The following GDNF variants were observed in gnomAD, a reference collection of about 807,000 sequenced individuals.
GDNF encodes the protein glial cell line-derived neurotrophic factor.
A neutral mutation model predicts 13.7 loss-of-function variants in GDNF; 5 were observed. That is an observed-to-expected ratio of 0.36 (90% confidence interval 0.19 to 0.77). The LOEUF (loss-of-function observed/expected upper bound fraction) is 0.77. Ranked by LOEUF, GDNF falls within the 30% of genes least tolerant of loss-of-function variation. The probability of loss-of-function intolerance (pLI) is 0.51; values close to 1 mark genes in which losing one functional copy is unlikely to be tolerated. For synonymous variants in GDNF, 122 were observed against 112.5 expected, an observed-to-expected ratio of 1.08 and a Z score of -0.53; for missense variants, 246 against 274.3, an observed-to-expected ratio of 0.90 and a Z score of 0.73.
At chr5:37,819,739 C>T (rs1750063426) in intron 2 of GDNF, among the ~76,000 whole-genome samples, 1 of 152,150 alleles carries the variant, frequency 6.6e-6, no homozygotes. Context: ...AGGAGTGAGC[C>T]ACTGTGCCTG....
chr5:37,819,013 C>A (rs571204619), intron 2 of GDNF, among the ~76,000 whole-genome samples: 5 of 152,226 alleles, frequency 3.3e-5, no homozygotes, highest in African/African-American at 7.2e-5. Flanking sequence ...TCTGTCTTCT[C>A]TAAAAGAATG....
rs901557917 is a variant in GDNF at position 37,823,412 on chromosome 5, C to T, written c.152-7277G>A. 11 of 152,292 alleles carry T rather than the reference C, an allele frequency of 7.2e-5. 1 individual carries two copies. The South Asian group carries it at 8.3e-4, about 11-fold the overall frequency. The allele number at this position is 152,292 out of a possible 1,614,324, so 9.4% of individuals were successfully genotyped here. Reference sequence around the variant, plus strand: ...ATACTTTCTGTTGAAAAATTCAGTACGAACTCAGGTACGCTAAGTAGATCC... The same window carrying T: ...ATACTTTCTGTTGAAAAATTCAGTATGAACTCAGGTACGCTAAGTAGATCC... On this transcript the variant is annotated intron_variant, in intron 2 of 2. Coordinates refer to ENST00000326524, the MANE Select transcript of GDNF (RefSeq NM_000514.4).
intron 1 of GDNF, among the ~76,000 whole-genome samples, chr5:37,836,250 A>C (rs1049565727): frequency 1.7e-4 from 25 of 151,464 alleles, no homozygotes; most frequent in Non-Finnish European, 2.9e-4. Context: ...TAATGCAAAA[A>C]CCTCAGTGCC....
Position 37,834,716 on chromosome 5 carries a change from C to A in GDNF, c.81G>T (p.Arg27Ser), listed in dbSNP as rs751955252. 1 of 1,611,516 alleles carries A rather than the reference C, an allele frequency of 6.2e-7. No homozygotes were observed. The highest frequency in any genetic ancestry group is 1.1e-5 in the South Asian group (1 of 90,990). The change falls in exon 2 of 3, where the codon AGG becomes AGT. Residue 27 changes from arginine to serine, a missense_variant. Transcript: ENST00000326524. Reference protein sequence around the residue: ...ASAFPLPAGKRPPEAPAEDRS... With the variant: ...ASAFPLPAGKSPPEAPAEDRS... ...GGTCTTCGGCGGGCGCCTCGGGAGG[C>A]CTCTTACCGGCGGGCAGCGGGAAGG...
chr5:37,838,842 G>A lies in GDNF; in HGVS notation c.-27+665C>T, dbSNP rs777191223. Among the ~76,000 whole-genome samples the A allele has an allele frequency of 2.7e-4, 41 of 152,278 alleles. 1 individual carries two copies. Among genetic ancestry groups the A allele is most frequent in the Non-Finnish European group, 4.7e-4 (32 of 68,032 alleles). Reference sequence around the variant, plus strand: ...TGGCCTAGTGGAGTCTCAAGAATACGTTCGAGACAGAGATTTGAATCCAGG... The same window carrying A: ...TGGCCTAGTGGAGTCTCAAGAATACATTCGAGACAGAGATTTGAATCCAGG... On this transcript the variant is annotated intron_variant, in intron 1 of 2. Transcript: ENST00000326524. The surrounding 1 kb of genome is among the most constrained non-coding windows in gnomAD (Gnocchi z 4.1).
chr5:37,824,197 A>ATTTT, intron 2 of GDNF: 1 of 200,468 alleles, frequency 5.0e-6, no homozygotes, highest in Non-Finnish European at 8.9e-6. Context: ...ATCTGTAAAA[A>ATTTT]TAGAGATGGG....
chr5:37,835,422 C>G (rs1184339683), intron 1 of GDNF: 1 of 1,421,776 alleles, frequency 7.0e-7, no homozygotes, highest in Non-Finnish European at 9.2e-7. Flanking sequence ...CCTCATTCTT[C>G]CCACCTAAAT....
intron 2 of GDNF, among the ~76,000 whole-genome samples, chr5:37,831,376 T>C (rs916414031): frequency 2.6e-5 from 4 of 152,248 alleles, no homozygotes; most frequent in African/African-American, 9.6e-5. Flanking sequence ...CAGGCATACA[T>C]GTAACTATTT....
chr5:37,826,836 T>A (rs1159671273), intron 2 of GDNF, among the ~76,000 whole-genome samples: 2 of 152,208 alleles, frequency 1.3e-5, no homozygotes, highest in African/African-American at 4.8e-5. Flanking sequence ...TTATCCTTAC[T>A]GAGAGACGGT....
chr5:37,826,046 C>T (rs1750303514), intron 2 of GDNF, among the ~76,000 whole-genome samples: 1 of 152,078 alleles, frequency 6.6e-6, no homozygotes, highest in African/African-American at 2.4e-5. Context: ...AGAAGAGTGA[C>T]ATCTGAGTGT....
rs71604877 is a variant in GDNF at position 37,813,560 on chromosome 5, C to CTTTTTTTTTTTT, written c.*2079_*2090dup. The CTTTTTTTTTTTT allele has an allele frequency of 1.1e-5, 1 of 87,026 alleles. No individual in the cohort carries two copies. Among genetic ancestry groups the CTTTTTTTTTTTT allele is most frequent in the African/African-American group, 4.9e-5 (1 of 20,454 alleles). 5.4% of individuals were successfully genotyped at this position (87,026 alleles called of 1,614,324 possible). A position where few individuals can be genotyped will look rare whatever the true frequency, so the allele number is the denominator to read the frequency against. ...CCTATGCTTCCTCCTGCTCCAACCT[C>CTTTTTTTTTTTT]TTTTTTTTTTTTTTTTTTTTTTTGA... is the stretch of plus-strand genomic sequence containing the variant. On this transcript the variant is annotated 3_prime_UTR_variant, in exon 3 of 3. Coordinates refer to ENST00000326524, the MANE Select transcript of GDNF (RefSeq NM_000514.4).
At chr5:37,832,112 CTG>C (rs563774373) in intron 2 of GDNF, among the ~76,000 whole-genome samples, 6 of 152,226 alleles carry the variant, frequency 3.9e-5, no homozygotes, top group Non-Finnish European at 7.3e-5. Context: ...AGTGTGCAAA[CTG>C]TGTATATTCT....
At position 37,838,433 on chromosome 5, in the gene GDNF, G is replaced by A. The variant is rs974077812; in HGVS notation, c.-27+1074C>T. ...AACATCTCTTCCTTGAAATACCTAAGCATATATTCCAAACACTGAGCAAGA... is the reference window on the plus strand; with the variant it reads ...AACATCTCTTCCTTGAAATACCTAAACATATATTCCAAACACTGAGCAAGA... On this transcript the variant is annotated intron_variant, in intron 1 of 2. Transcript: ENST00000326524. This position sits in a 1 kb window ranked among gnomAD's most constrained non-coding sequence, Gnocchi z 4.1. Among the ~76,000 whole-genome samples the A allele has an allele frequency of 3.9e-5, 6 of 152,246 alleles. No homozygotes were observed. Among genetic ancestry groups the A allele is most frequent in the Non-Finnish European group, 8.8e-5 (6 of 68,040 alleles).
chr5:37,819,854 C>G (rs1219694370), intron 2 of GDNF, among the ~76,000 whole-genome samples: 1 of 151,970 alleles, frequency 6.6e-6, no homozygotes, highest in Non-Finnish European at 1.5e-5. Flanking sequence ...CATTAAATCA[C>G]TTTGGTTGAC....
chr5:37,836,727 A>C (rs1750721147), intron 1 of GDNF, among the ~76,000 whole-genome samples: 1 of 152,216 alleles, frequency 6.6e-6, no homozygotes, highest in East Asian at 1.9e-4. Flanking sequence ...CCGGAGGAGC[A>C]TGGAGGCGCG....
chr5:37,828,362 T>A lies in GDNF; in HGVS notation c.151+6284A>T, dbSNP rs75952710. Among the ~76,000 whole-genome samples, 898 of 152,358 alleles carry A rather than the reference T, an allele frequency of 5.9e-3. 3 individuals carry two copies. Among genetic ancestry groups the A allele is most frequent in the Non-Finnish European group, 9.6e-3 (656 of 68,030 alleles). Reference sequence around the variant, plus strand: ...CATGTTTCTCTTCTTAAAAACATCCTGATCTGGACTTTGAAGTAGTCATTA... The same window carrying A: ...CATGTTTCTCTTCTTAAAAACATCCAGATCTGGACTTTGAAGTAGTCATTA... On this transcript the variant is annotated intron_variant, in intron 2 of 2. Coordinates refer to ENST00000326524, the MANE Select transcript of GDNF (RefSeq NM_000514.4).
chr5:37,822,819 T>A (rs746607530), intron 2 of GDNF, among the ~76,000 whole-genome samples: 12 of 152,172 alleles, frequency 7.9e-5, no homozygotes, highest in Non-Finnish European at 1.5e-4. Context: ...AAAGATCAAC[T>A]TAAAATTGAT....
In GDNF at chr5:37,815,550, G is replaced by A; in HGVS notation, c.*101C>T. 9.4e-6 allele frequency: 10 copies of A among 1,068,654 alleles called. No individual in the cohort carries two copies. Among genetic ancestry groups the A allele is most frequent in the Non-Finnish European group, 4.3e-6 (3 of 698,600 alleles). The allele number at this position is 1,068,654 out of a possible 1,614,324, so 66.2% of individuals were successfully genotyped here. A position where few individuals can be genotyped will look rare whatever the true frequency, so the allele number is the denominator to read the frequency against. The stretch of plus-strand genomic sequence containing the variant: ...CTTCTTCCTCCTCCTCCGCCTCCTT[G>A]GTCCTCATCTTCCATTCTGGGCAAA... On this transcript the variant is annotated 3_prime_UTR_variant, in exon 3 of 3. Coordinates refer to ENST00000326524, the MANE Select transcript of GDNF (RefSeq NM_000514.4). This position sits in a 1 kb window ranked among gnomAD's most constrained non-coding sequence, Gnocchi z 5.0.
In GDNF at chr5:37,815,672, A is replaced by C; in HGVS notation, c.615T>G (p.Ala205=). The C allele has an allele frequency of 1.9e-6, 3 of 1,613,656 alleles. No individual in the cohort carries two copies. The South Asian group carries it at 3.3e-5, about 18-fold the overall frequency. ...GGAGTCAGATACATCCACACCTTTT[A>C]GCGGAATGCTTTCTTAGAATATGGT... ...LVYHILRKHS[A]KRCGCI is the part of the protein sequence containing the mutation. Residue 205 remains alanine, a synonymous_variant, in exon 3 of 3, where the codon GCT becomes GCG. Coordinates refer to ENST00000326524, the MANE Select transcript of GDNF (RefSeq NM_000514.4). This position sits in a 1 kb window ranked among gnomAD's most constrained non-coding sequence, Gnocchi z 5.0.
Sources: gnomAD v4.1 joint callset for allele counts (sites outside exome capture counted in the v4.1 genomes callset) on GRCh38, gnomAD v4.1.1 for gene constraint, Gnocchi (gnomAD v3.1) non-coding constraint, MANE v1.5 for transcripts, NCBI Gene and HGNC (gene_info 2026-07-23, HGNC 2026-07-21) for gene names.